The following HDAC9 variants were observed in gnomAD, a reference collection of about 807,000 sequenced individuals.
HDAC9 encodes MEF-2 interacting transcription repressor (MITR) protein.
In HDAC9, 41 loss-of-function variants were observed where a neutral mutation model predicts 139.4. That is an observed-to-expected ratio of 0.29 (90% CI 0.23 to 0.38). The LOEUF (loss-of-function observed/expected upper bound fraction) is 0.38. Ranked by LOEUF, HDAC9 falls within the 10% of genes least tolerant of loss-of-function variation. The pLI is 1.00. For synonymous variants in HDAC9, 517 were observed against 476.2 expected (o/e 1.09, Z -1.12); for missense variants, 1,147 against 1,297.0 (o/e 0.88, Z 1.78).
At chr7:18,373,142 C>G (rs1158115533) in intron 1 of HDAC9, among the ~76,000 whole-genome samples, 1 of 152,042 alleles carries the variant, frequency 6.6e-6, no homozygotes, top group African/African-American at 2.4e-5. Flanking sequence ...TTAAAAATAT[C>G]AACTGTCAAC....
chr7:18,451,680 G>A (rs990299956), intron 1 of HDAC9, among the ~76,000 whole-genome samples: 1 of 151,846 alleles, frequency 6.6e-6, no homozygotes, highest in Non-Finnish European at 1.5e-5. Context: ...ACTGATCTAT[G>A]TGGATATAGA....
intron 2 of HDAC9, among the ~76,000 whole-genome samples, chr7:18,261,309 A>G (rs1795663064): frequency 6.6e-6 from 1 of 152,066 alleles, no homozygotes; most frequent in South Asian, 2.1e-4. Flanking sequence ...CCCTGTCTCC[A>G]AAATAAAAAA....
At chr7:18,222,607 A>G (rs187351628) in intron 2 of HDAC9, among the ~76,000 whole-genome samples, 2 of 152,288 alleles carry the variant, frequency 1.3e-5, no homozygotes, top group East Asian at 3.9e-4. Context: ...CACTGATTAC[A>G]GTTTAACACA....
intron 11 of HDAC9, among the ~76,000 whole-genome samples, chr7:18,665,324 G>A (rs1794533141): frequency 6.6e-6 from 1 of 152,076 alleles, no homozygotes; most frequent in South Asian, 2.1e-4. Flanking sequence ...GGGCCACTGT[G>A]AAATAAAACA....
At chr7:18,299,030 A>T (rs1205240845) in intron 1 of HDAC9, among the ~76,000 whole-genome samples, 1 of 152,138 alleles carries the variant, frequency 6.6e-6, no homozygotes, top group East Asian at 1.9e-4. Context: ...TTGAGTTTCC[A>T]AATGAATAAA....
chr7:18,580,827 C>G (rs1449805606), intron 2 of HDAC9, among the ~76,000 whole-genome samples: 3 of 152,050 alleles, frequency 2.0e-5, no homozygotes, highest in Non-Finnish European at 4.4e-5. Flanking sequence ...TGGACAATGC[C>G]CTTTCTTAAA....
At chr7:18,362,251 T>C (rs1420994298) in intron 1 of HDAC9, among the ~76,000 whole-genome samples, 1 of 152,222 alleles carries the variant, frequency 6.6e-6, no homozygotes, top group East Asian at 1.9e-4. Context: ...GCAGAGATCG[T>C]AGGATTCTAT....
intron 24 of HDAC9, among the ~76,000 whole-genome samples, chr7:18,972,296 G>A (rs1784287928): frequency 1.3e-5 from 2 of 150,864 alleles, no homozygotes; most frequent in African/African-American, 4.9e-5. Context: ...GTGATCCAGT[G>A]ACTTCTTCCG....
intron 2 of HDAC9, among the ~76,000 whole-genome samples, chr7:18,583,219 C>T (rs544811960): frequency 6.6e-6 from 1 of 152,162 alleles, no homozygotes; most frequent in East Asian, 1.9e-4. Context: ...CAAAAACAAA[C>T]ATCTGTTAAG....
intron 22 of HDAC9, among the ~76,000 whole-genome samples, chr7:18,920,203 G>C (rs900310978): frequency 1.3e-4 from 20 of 152,152 alleles, no homozygotes; most frequent in Admixed American, 1.0e-3. Flanking sequence ...TCCTTGAAGA[G>C]GTCCTTCACA....
chr7:18,943,742 A>G (rs1462811428), intron 23 of HDAC9, among the ~76,000 whole-genome samples: 1 of 152,044 alleles, frequency 6.6e-6, no homozygotes, highest in African/African-American at 2.4e-5. Context: ...ATCTCATGTG[A>G]GCTGATGACC....
At chr7:18,395,743 C>T (rs1004236825) in intron 1 of HDAC9, among the ~76,000 whole-genome samples, 2 of 152,076 alleles carry the variant, frequency 1.3e-5, no homozygotes, top group African/African-American at 4.8e-5. Context: ...TTTTTAAACA[C>T]TCAACCACTG....
rs148680694 is a variant in HDAC9, at chr7:18,906,703, G to A, written c.2804-29106G>A. Among the ~76,000 whole-genome samples the A allele has an allele frequency of 1.5e-3, 227 of 152,172 alleles. 1 individual carries two copies. The highest frequency in any genetic ancestry group is 5.2e-3 in the African/African-American group (214 of 41,510). The stretch of plus-strand genomic sequence containing the variant: ...AGTGACTCTGAAGACCTTGTTTGAC[G>A]GCCTCCTACAAATAGATTCAACTAA... On this transcript the variant is annotated intron_variant, in intron 22 of 25. Transcript: ENST00000686413.
intron 12 of HDAC9, chr7:18,668,767 T>C: frequency 1.0e-6 from 1 of 982,290 alleles, no homozygotes; most frequent in African/African-American, 1.7e-5. Flanking sequence ...GTGTTGTAAA[T>C]ATATTGTTTG....
intron 12 of HDAC9, among the ~76,000 whole-genome samples, chr7:18,717,160 C>T (rs1205043406): frequency 1.3e-5 from 2 of 152,022 alleles, no homozygotes; most frequent in South Asian, 4.2e-4. Context: ...AGAGGCTCAC[C>T]ACTGTTACAA....
intron 2 of HDAC9, among the ~76,000 whole-genome samples, chr7:18,538,084 T>G (rs1251410226): frequency 2.0e-5 from 3 of 152,218 alleles, no homozygotes; most frequent in African/African-American, 7.2e-5. Context: ...ACTACAGTAG[T>G]TTTTTTCTGT....
chr7:18,858,928 T>C (rs1166387545), intron 21 of HDAC9, among the ~76,000 whole-genome samples: 1 of 152,180 alleles, frequency 6.6e-6, no homozygotes, highest in Non-Finnish European at 1.5e-5. Context: ...ATGATATGCC[T>C]TCATTGCCTC....
At chr7:18,705,866 AAAT>A (rs1284699826) in intron 12 of HDAC9, among the ~76,000 whole-genome samples, 2 of 146,236 alleles carry the variant, frequency 1.4e-5, no homozygotes, top group African/African-American at 5.0e-5. Context: ...AAAAAAAATA[AAAT>A]AAAATAAAAT....
chr7:18,406,325 G>T (rs1285578135), intron 1 of HDAC9, among the ~76,000 whole-genome samples: 1 of 151,962 alleles, frequency 6.6e-6, no homozygotes, highest in East Asian at 1.9e-4. Flanking sequence ...TACTTTTAAT[G>T]GCAAAAACTG....
Sources: gnomAD v4.1 joint callset for allele counts (sites outside exome capture counted in the v4.1 genomes callset) on GRCh38, gnomAD v4.1.1 for gene constraint, MANE v1.5 for transcripts, NCBI Gene and HGNC (gene_info 2026-07-23, HGNC 2026-07-21) for gene names.